LEKR1: variants seen among roughly 807,000 people sequenced by gnomAD.
The protein encoded by LEKR1 is leucine, glutamate and lysine rich 1, also known as protein LEKR1.
LEKR1 carries 59 observed loss-of-function variants against 72.4 expected under a neutral mutation model. That is an observed-to-expected ratio of 0.82 (90% CI 0.66 to 1.01). The LOEUF (loss-of-function observed/expected upper bound fraction) is 1.01. Among genes scored for constraint, LEKR1 ranks in the 50% least tolerant of loss-of-function variants. The pLI, the probability that LEKR1 is intolerant of heterozygous loss-of-function variation, is 0.00. For missense variants in LEKR1, 728 were observed against 759.2 expected (o/e 0.96, Z 0.48); for synonymous variants, 257 against 263.2 (o/e 0.98, Z 0.23).
intron 3 of LEKR1, among the ~76,000 whole-genome samples, chr3:156,918,823 G>T (rs1236379291): frequency 2.0e-5 from 3 of 152,136 alleles, no homozygotes; most frequent in Non-Finnish European, 4.4e-5. Context: ...GAAGCACATG[G>T]TTACTATTTT....
intron 3 of LEKR1, among the ~76,000 whole-genome samples, chr3:156,914,201 A>C (rs949140687): frequency 6.6e-6 from 1 of 152,204 alleles, no homozygotes; most frequent in African/African-American, 2.4e-5. Context: ...TCTGTGATAC[A>C]TGTGCAGAAC....
chr3:157,001,518 A>T (rs769095779), intron 9 of LEKR1, among the ~76,000 whole-genome samples: 1 of 152,260 alleles, frequency 6.6e-6, no homozygotes, highest in Non-Finnish European at 1.5e-5. Context: ...TCGCATGTAC[A>T]TAAGAAATAA....
At chr3:157,025,749 G>A (rs1734138624) in intron 11 of LEKR1, among the ~76,000 whole-genome samples, 1 of 151,994 alleles carries the variant, frequency 6.6e-6, no homozygotes, top group Admixed American at 6.6e-5. Context: ...AATCTAACTG[G>A]GCATGGTGGC....
chr3:156,892,858 C>T (rs1720802151), intron 3 of LEKR1, among the ~76,000 whole-genome samples: 1 of 152,182 alleles, frequency 6.6e-6, no homozygotes, highest in Admixed American at 6.5e-5. Context: ...TGAATTATGG[C>T]TAAAATTTAG....
intron 3 of LEKR1, among the ~76,000 whole-genome samples, chr3:156,855,627 G>C (rs1354743795): frequency 1.3e-5 from 2 of 152,018 alleles, no homozygotes; most frequent in Non-Finnish European, 2.9e-5. Flanking sequence ...TCCTGTGCCA[G>C]GTTCTGGTTG....
intron 4 of LEKR1, among the ~76,000 whole-genome samples, chr3:156,923,371 A>G (rs1489870005): frequency 6.6e-6 from 1 of 152,106 alleles, no homozygotes; most frequent in Non-Finnish European, 1.5e-5. Flanking sequence ...GGCAACTAAC[A>G]TTTCTCTTTC....
chr3:156,955,580 T>A (rs544190755), intron 6 of LEKR1, among the ~76,000 whole-genome samples: 66 of 152,206 alleles, frequency 4.3e-4, no homozygotes, highest in Middle Eastern at 3.4e-3. Context: ...ATCAAAGGCC[T>A]TTTTGCCATT....
At chr3:156,882,393 A>C (rs1379127689) in intron 3 of LEKR1, among the ~76,000 whole-genome samples, 1 of 152,302 alleles carries the variant, frequency 6.6e-6, no homozygotes, top group East Asian at 1.9e-4. Flanking sequence ...CAAAAGACAC[A>C]TGAAAAAATG....
intron 5 of LEKR1, among the ~76,000 whole-genome samples, chr3:156,937,838 G>T (rs1355826136): frequency 6.6e-6 from 1 of 152,128 alleles, no homozygotes; most frequent in African/African-American, 2.4e-5. Flanking sequence ...CAACAGAAGG[G>T]AACAAATTAT....
At chr3:157,037,319 T>C (rs1358323894) in intron 12 of LEKR1, among the ~76,000 whole-genome samples, 1 of 152,144 alleles carries the variant, frequency 6.6e-6, no homozygotes, top group African/African-American at 2.4e-5. Context: ...TTTTACTTTT[T>C]AGCTATATGT....
At chr3:157,009,422 C>G (rs1470870167) in intron 9 of LEKR1, among the ~76,000 whole-genome samples, 1 of 152,062 alleles carries the variant, frequency 6.6e-6, no homozygotes, top group African/African-American at 2.4e-5. Flanking sequence ...TTGAACAATG[C>G]AGGTTATAGT....
At chr3:156,848,120 TGAG>T (rs1183446493) in intron 2 of LEKR1, among the ~76,000 whole-genome samples, 3 of 152,134 alleles carry the variant, frequency 2.0e-5, no homozygotes, top group Non-Finnish European at 4.4e-5. Flanking sequence ...ATTTTCAAAT[TGAG>T]AAGAAGAAAC....
chr3:157,039,245 T>C (rs2108046170), intron 12 of LEKR1, among the ~76,000 whole-genome samples: 1 of 152,332 alleles, frequency 6.6e-6, no homozygotes, highest in Admixed American at 6.5e-5. Context: ...CATGGGTTAT[T>C]TTTAACATTT....
At chr3:156,977,544 TG>T in intron 6 of LEKR1, 2 of 355,790 alleles carry the variant, frequency 5.6e-6, no homozygotes, top group South Asian at 2.8e-5. Flanking sequence ...ATGGAATTGG[TG>T]GATAACTCAA....
chr3:156,917,389 G>C (rs923203912), intron 3 of LEKR1, among the ~76,000 whole-genome samples: 3 of 152,068 alleles, frequency 2.0e-5, no homozygotes, highest in Admixed American at 2.0e-4. Flanking sequence ...TACTCACCAA[G>C]TGCCCAGCAC....
At chr3:157,029,787 T>C (rs1560158623) in intron 12 of LEKR1, among the ~76,000 whole-genome samples, 1 of 151,998 alleles carries the variant, frequency 6.6e-6, no homozygotes, top group Non-Finnish European at 1.5e-5. Context: ...AGTGAATCTC[T>C]AGAGGAGGGA....
intron 3 of LEKR1, among the ~76,000 whole-genome samples, chr3:156,878,809 G>T (rs1201673473): frequency 2.6e-5 from 4 of 151,734 alleles, no homozygotes; most frequent in African/African-American, 9.7e-5. Flanking sequence ...TGAATCATGG[G>T]GCCAGTTTCC....
At chr3:157,008,077 C>T (rs1384541) in intron 9 of LEKR1, among the ~76,000 whole-genome samples, 87,771 of 152,054 alleles carry the variant, frequency 0.58, 27,279 homozygotes, top group South Asian at 0.8. Flanking sequence ...TTATTCCTTT[C>T]TCTTCACTTC....
chr3:156,871,414 C>G (rs1322185049), intron 3 of LEKR1, among the ~76,000 whole-genome samples: 1 of 152,150 alleles, frequency 6.6e-6, no homozygotes, highest in Non-Finnish European at 1.5e-5. Flanking sequence ...CCGCAATAAA[C>G]ATACGCGTGC....
Sources: allele counts gnomAD v4.1 joint callset (sites outside exome capture counted in the v4.1 genomes callset), GRCh38; gene constraint gnomAD v4.1.1; transcripts MANE v1.5; gene names NCBI Gene and HGNC (gene_info 2026-07-23, HGNC 2026-07-21).